The following DLGAP2 variants were observed in gnomAD, a reference collection of about 807,000 sequenced individuals.
DLGAP2 encodes the protein disks large-associated protein 2.
A neutral mutation model predicts 100.3 loss-of-function variants in DLGAP2; 26 were observed. The observed-to-expected ratio is 0.26, with a 90% CI of 0.19 to 0.36. The LOEUF is 0.36. Ranked by LOEUF, DLGAP2 falls within the 10% of genes least tolerant of loss-of-function variation. The pLI is 1.00. For missense variants in DLGAP2, 1,858 were observed against 1,453.2 expected (o/e 1.28, Z -4.53); for synonymous variants, 886 against 630.1 (o/e 1.41, Z -6.08).
At chr8:921,846 G>T (rs964427123) in intron 2 of DLGAP2, among the ~76,000 whole-genome samples, 1 of 152,232 alleles carries the variant, frequency 6.6e-6, no homozygotes, top group African/African-American at 2.4e-5. Flanking sequence ...CTCACCCACC[G>T]CTGGTCTCTG....
chr8:1,319,796 C>G (rs1390020290), intron 3 of DLGAP2, among the ~76,000 whole-genome samples: 1 of 152,080 alleles, frequency 6.6e-6, no homozygotes, highest in Non-Finnish European at 1.5e-5. Context: ...GGGCCAGAGA[C>G]CGGAAGGAAA....
intron 2 of DLGAP2, among the ~76,000 whole-genome samples, chr8:969,532 G>A (rs1209966871): frequency 1.4e-5 from 2 of 146,394 alleles, no homozygotes; most frequent in Non-Finnish European, 1.5e-5. Context: ...GGAATCTTGT[G>A]TGCCAGTTAG....
chr8:1,228,547 T>G (rs1187094874), intron 2 of DLGAP2, among the ~76,000 whole-genome samples: 1 of 152,052 alleles, frequency 6.6e-6, no homozygotes, highest in Non-Finnish European at 1.5e-5. Context: ...GATATAAAAA[T>G]CCTCCACAAA....
At chr8:1,489,185 A>C in intron 3 of DLGAP2, among the ~76,000 whole-genome samples, 1 of 152,152 alleles carries the variant, frequency 6.6e-6, no homozygotes, top group Non-Finnish European at 1.5e-5. Context: ...TCCATGCTGA[A>C]GTTTGAGCTG....
intron 3 of DLGAP2, among the ~76,000 whole-genome samples, chr8:1,382,418 G>C (rs887411502): frequency 6.6e-6 from 1 of 152,164 alleles, no homozygotes; most frequent in Non-Finnish European, 1.5e-5. Flanking sequence ...TCAAGGGCAA[G>C]TGTGCGTGAA....
rs139285518 is a variant in DLGAP2 at position 1,098,067 on chromosome 8, G to T, written c.74-160784G>T. Among the ~76,000 whole-genome samples, 139 of 152,322 alleles carry T rather than the reference G, an allele frequency of 9.1e-4. 1 individual carries two copies. The highest frequency in any genetic ancestry group is 6.6e-3 in the East Asian group (34 of 5,188). On this transcript the variant is annotated intron_variant, in intron 2 of 14. Coordinates refer to ENST00000637795, the MANE Select transcript of DLGAP2 (RefSeq NM_001346810.2). ...CTGGTTTTGATCTGAAGAGAAAACT[G>T]CCGTGAGTTATATTTCCTTGCAACG...
At chr8:1,067,248 G>A (rs1288879841) in intron 2 of DLGAP2, among the ~76,000 whole-genome samples, 1 of 152,238 alleles carries the variant, frequency 6.6e-6, no homozygotes, top group African/African-American at 2.4e-5. Context: ...CTTCCTCCCT[G>A]TTCTTCAAGG....
At chr8:1,476,603 C>A (rs575480102) in intron 3 of DLGAP2, among the ~76,000 whole-genome samples, 1 of 152,326 alleles carries the variant, frequency 6.6e-6, no homozygotes, top group South Asian at 2.1e-4. Context: ...CGGTGACATT[C>A]CTCAGAAGCC....
rs571368108 is a variant in DLGAP2 at position 1,379,777 on chromosome 8, G to C, written c.106+120894G>C. On this transcript the variant is annotated intron_variant, in intron 3 of 14. Coordinates refer to ENST00000637795, the MANE Select transcript of DLGAP2 (RefSeq NM_001346810.2). ...GGGAGGTTGTGCAGGGGCTGACAGA[G>C]AGTGGCCAACAACCCCATTTCCCTG... The C allele has an allele frequency of 2.8e-4, 43 of 152,548 alleles. 1 individual carries two copies. Among genetic ancestry groups the C allele is most frequent in the African/African-American group, 7.7e-4 (32 of 41,564 alleles). 9.4% of individuals were successfully genotyped at this position (152,548 alleles called of 1,614,324 possible). A position where few individuals can be genotyped will look rare whatever the true frequency, so the allele number is the denominator to read the frequency against.
At chr8:1,443,673 C>T (rs765572383) in intron 3 of DLGAP2, among the ~76,000 whole-genome samples, 3 of 152,118 alleles carry the variant, frequency 2.0e-5, no homozygotes, top group South Asian at 2.1e-4. Context: ...GCAGAGAAGA[C>T]GGCTTGTGCA....
chr8:1,614,017 G>T (rs554154843), intron 6 of DLGAP2, among the ~76,000 whole-genome samples: 1 of 152,306 alleles, frequency 6.6e-6, no homozygotes, highest in South Asian at 2.1e-4. Flanking sequence ...CTCAGACTCG[G>T]CGGGGTTTTC....
chr8:758,080 A>T (rs1820966349), intron 1 of DLGAP2, among the ~76,000 whole-genome samples: 1 of 152,236 alleles, frequency 6.6e-6, no homozygotes, highest in Admixed American at 6.5e-5. Context: ...CACTTACCAT[A>T]TGTGGCTGTT....
chr8:1,537,084 GGT>G (rs1801178364), intron 4 of DLGAP2, among the ~76,000 whole-genome samples: 3 of 151,888 alleles, frequency 2.0e-5, no homozygotes, highest in African/African-American at 7.3e-5. Flanking sequence ...TGTGGTATGT[GGT>G]ATGTGGTGTG....
At chr8:1,336,515 T>C (rs1175343206) in intron 3 of DLGAP2, among the ~76,000 whole-genome samples, 1 of 152,170 alleles carries the variant, frequency 6.6e-6, no homozygotes, top group Non-Finnish European at 1.5e-5. Flanking sequence ...CACACGCAAC[T>C]CTGTGCCGGA....
chr8:1,587,491 A>G (rs185818730), intron 6 of DLGAP2, among the ~76,000 whole-genome samples: 1 of 152,244 alleles, frequency 6.6e-6, no homozygotes, highest in East Asian at 1.9e-4. Context: ...CTTTATCTGA[A>G]AGTATATTTA....
intron 3 of DLGAP2, among the ~76,000 whole-genome samples, chr8:1,287,939 CGT>C (rs1182048644): frequency 0.08 from 5,603 of 69,672 alleles, 389 homozygotes; most frequent in Non-Finnish European, 0.1. Flanking sequence ...TTTGGTTCAG[CGT>C]GTGTGTGTGT....
At chr8:1,618,121 G>C (rs939959405) in intron 6 of DLGAP2, among the ~76,000 whole-genome samples, 1 of 152,080 alleles carries the variant, frequency 6.6e-6, no homozygotes, top group African/African-American at 2.4e-5. Flanking sequence ...AGGCAAACAA[G>C]AAGAGAAAAA....
intron 3 of DLGAP2, among the ~76,000 whole-genome samples, chr8:1,497,284 G>A (rs111941995): frequency 2.6e-5 from 4 of 152,314 alleles, no homozygotes; most frequent in African/African-American, 7.2e-5. Context: ...TCACAGCACC[G>A]ATCAGCCTCA....
chr8:1,283,153 C>T (rs1369468602), intron 3 of DLGAP2, among the ~76,000 whole-genome samples: 1 of 149,748 alleles, frequency 6.7e-6, no homozygotes, highest in African/African-American at 2.5e-5. Context: ...AGCACGTGAA[C>T]CATCTGGACG....
Sources: allele counts gnomAD v4.1 joint callset (sites outside exome capture counted in the v4.1 genomes callset), GRCh38; gene constraint gnomAD v4.1.1; transcripts MANE v1.5; gene names NCBI Gene and HGNC (gene_info 2026-07-23, HGNC 2026-07-21).